Variants in TERF2 observed in about 807,000 individuals in gnomAD.
TERF2 encodes telomeric repeat binding factor 2, also known as telomeric repeat-binding factor 2.
Under a neutral mutation model 56.1 loss-of-function variants are expected in TERF2, and 16 were observed. The ratio of observed to expected loss-of-function variants is 0.29; its 90% CI spans 0.19 to 0.43. The LOEUF is 0.43. TERF2 is among the 20% of genes least tolerant of loss of function. The pLI is 1.00. For synonymous variants in TERF2, 296 were observed against 282.1 expected (o/e 1.05, Z -0.50); for missense variants, 547 against 712.9 (o/e 0.77, Z 2.65).
chr16:69,363,117 A>G (rs1159361119), intron 7 of TERF2, among the ~76,000 whole-genome samples: 1 of 152,244 alleles, frequency 6.6e-6, no homozygotes, highest in Non-Finnish European at 1.5e-5. Context: ...TACTTGAGAC[A>G]AAGTGAAAAC....
intron 7 of TERF2, among the ~76,000 whole-genome samples, chr16:69,361,916 C>T (rs568769729): frequency 5.2e-5 from 5 of 95,876 alleles, no homozygotes; most frequent in Admixed American, 2.0e-4. Flanking sequence ...AAGCTCACGG[C>T]GCCTTTCATC....
At chr16:69,369,764 G>T (rs900824928) in intron 5 of TERF2, among the ~76,000 whole-genome samples, 1 of 151,994 alleles carries the variant, frequency 6.6e-6, no homozygotes, top group East Asian at 1.9e-4. Context: ...TTTTCATTTG[G>T]CTTCTTTCAA....
chr16:69,357,327 A>G (rs1430683649), intron 9 of TERF2, among the ~76,000 whole-genome samples, 191 bp downstream of exon 9: 1 of 152,196 alleles, frequency 6.6e-6, no homozygotes, highest in Non-Finnish European at 1.5e-5. Flanking sequence ...GTTCCGGAAA[A>G]TGTGTCATCT....
chr16:69,383,221 ATTTCC>A (rs2014069497), intron 3 of TERF2, among the ~76,000 whole-genome samples: 2 of 152,148 alleles, frequency 1.3e-5, no homozygotes, highest in Non-Finnish European at 2.9e-5. Flanking sequence ...TCCAATGAGC[ATTTCC>A]TTTGAGTGCC....
intron 4 of TERF2, among the ~76,000 whole-genome samples, chr16:69,371,560 A>C (rs1457101301): frequency 6.6e-6 from 1 of 151,736 alleles, no homozygotes; most frequent in African/African-American, 2.4e-5. Context: ...GATTCACGTA[A>C]TCCCAGCACT....
chr16:69,385,099 G>A (rs563556712), intron 2 of TERF2, among the ~76,000 whole-genome samples: 13 of 152,098 alleles, frequency 8.5e-5, no homozygotes, highest in African/African-American at 3.1e-4. Flanking sequence ...TCTACCATGG[G>A]GGAAAAAAGA....
At chr16:69,357,264 C>A (rs2012939719) in intron 9 of TERF2, among the ~76,000 whole-genome samples, 1 of 152,204 alleles carries the variant, frequency 6.6e-6, no homozygotes, top group South Asian at 2.1e-4. Context: ...ATTTGATCCT[C>A]AAGTAACAAT....
At chr16:69,372,723 C>G (rs1303318610) in intron 3 of TERF2, among the ~76,000 whole-genome samples, 1 of 152,166 alleles carries the variant, frequency 6.6e-6, no homozygotes, top group Non-Finnish European at 1.5e-5. Flanking sequence ...GATCGCGCCA[C>G]TGCACTCCAG....
chr16:69,372,359 A>T lies in TERF2; in HGVS notation c.607-4T>A. The T allele has an allele frequency of 6.3e-7, 1 of 1,588,246 alleles. No individual in the cohort carries two copies. Among genetic ancestry groups the T allele is most frequent in the East Asian group, 2.2e-5 (1 of 44,594 alleles). ...TTTTGATACAAATAATGACAGCCTA[A>T]AAAGGAGGGGAAAAATCTTTTTTTA... is the stretch of plus-strand genomic sequence containing the variant. On this transcript the variant is annotated splice_polypyrimidine_tract_variant and splice_region_variant and intron_variant, in intron 3 of 9. Transcript: ENST00000254942.
In TERF2 at chr16:69,385,976, G is replaced by A; in HGVS notation, c.-5C>T. On this transcript the variant is annotated 5_prime_UTR_variant, in exon 1 of 10. Coordinates refer to ENST00000254942, the MANE Select transcript of TERF2 (RefSeq NM_005652.5). ...CGTCCCGGCTCCCGCGGCCATGATAGAAACAGCGTTCCGAGCCGCCCGCGG... is the reference window on the plus strand; with the variant it reads ...CGTCCCGGCTCCCGCGGCCATGATAAAAACAGCGTTCCGAGCCGCCCGCGG... The A allele has an allele frequency of 7.5e-7, 1 of 1,335,410 alleles. No homozygotes were observed. Among genetic ancestry groups the A allele is most frequent in the Non-Finnish European group, 9.6e-7 (1 of 1,044,838 alleles). The allele number at this position is 1,335,410 out of a possible 1,614,324, so 82.7% of individuals were successfully genotyped here.
At chr16:69,364,470 T>A (rs960688812) in intron 7 of TERF2, among the ~76,000 whole-genome samples, 3 of 152,088 alleles carry the variant, frequency 2.0e-5, no homozygotes, top group Non-Finnish European at 2.9e-5. Context: ...CAGGTCATTG[T>A]GTCATGAAGC....
At chr16:69,383,636 A>ACCTTT (rs756653229) in intron 3 of TERF2, among the ~76,000 whole-genome samples, 1 of 152,218 alleles carries the variant, frequency 6.6e-6, no homozygotes, top group Non-Finnish European at 1.5e-5. Context: ...AAGGTCCTTA[A>ACCTTT]TTAAATAAAT....
Position 69,367,210 on chromosome 16 carries a change from A to C in TERF2, c.948-11T>G. 1 of 1,591,624 alleles carries C rather than the reference A, an allele frequency of 6.3e-7. No individual in the cohort carries two copies. The highest frequency in any genetic ancestry group is 8.6e-7 in the Non-Finnish European group (1 of 1,166,190). On this transcript the variant is annotated splice_polypyrimidine_tract_variant and intron_variant, in intron 6 of 9. Transcript: ENST00000254942. Reference sequence around the variant, plus strand: ...GGATTCCGTAGCTGCCTGCAAATCAAGCATAGGCACAAAGATGTTTTTCAC... The same window carrying C: ...GGATTCCGTAGCTGCCTGCAAATCACGCATAGGCACAAAGATGTTTTTCAC...
intron 3 of TERF2, among the ~76,000 whole-genome samples, chr16:69,381,443 G>A (rs770910469): frequency 9.2e-5 from 14 of 151,644 alleles, no homozygotes; most frequent in African/African-American, 2.9e-4. Context: ...TCATGTTTTG[G>A]TATGCAGCAG....
intron 2 of TERF2, among the ~76,000 whole-genome samples, chr16:69,385,171 G>T (rs1397560822): frequency 6.6e-6 from 1 of 151,916 alleles, no homozygotes; most frequent in East Asian, 1.9e-4. Context: ...ATTAACAGGT[G>T]GGAGAAGATT....
chr16:69,368,084 G>C (rs1422176158), intron 6 of TERF2, among the ~76,000 whole-genome samples: 1 of 152,196 alleles, frequency 6.6e-6, no homozygotes, highest in Non-Finnish European at 1.5e-5. Context: ...AATGTATTAA[G>C]AGATTAGGTG....
intron 8 of TERF2, among the ~76,000 whole-genome samples, chr16:69,358,221 A>G (rs929640822): frequency 2.6e-5 from 4 of 152,028 alleles, no homozygotes; most frequent in Non-Finnish European, 5.9e-5. Context: ...CACTGTGTTA[A>G]CCAGGATGGT....
Position 69,385,919 on chromosome 16 carries a change from C to G in TERF2, c.53G>C (p.Arg18Pro), listed in dbSNP as rs761598294. Residue 18 changes from arginine to proline, a missense_variant, in exon 1 of 10, where the codon CGT becomes CCT. Physicochemically the swap from Arg to Pro is moderately radical, Grantham distance 103 (BLOSUM62 -2). This residue lies in a region of TERF2 where 85 missense variants were observed against 59.5 expected (regional missense o/e 1.43). Transcript: ENST00000254942. ...CCTCGGCTGTGACGCCGCTGGGTCA[C>G]GCACGACGCCCGGGCCGGAAGCGGG... is the stretch of plus-strand genomic sequence containing the variant. Reference protein sequence around the residue: ...AGPASGPGVVRDPAASQPRKR... With the variant: ...AGPASGPGVVPDPAASQPRKR... 1.4e-6 allele frequency: 2 copies of G among 1,386,324 alleles called. No homozygotes were observed. Among genetic ancestry groups the G allele is most frequent in the South Asian group, 3.0e-5 (2 of 65,690 alleles). 85.9% of individuals were successfully genotyped at this position (1,386,324 alleles called of 1,614,324 possible).
At chr16:69,378,000 A>C (rs1567454121) in intron 3 of TERF2, among the ~76,000 whole-genome samples, 1 of 152,164 alleles carries the variant, frequency 6.6e-6, no homozygotes, top group Non-Finnish European at 1.5e-5. Context: ...AGTGGTGAGC[A>C]TTCCAATTTT....
Sources: allele counts gnomAD v4.1 joint callset (sites outside exome capture counted in the v4.1 genomes callset), GRCh38; gene constraint gnomAD v4.1.1; regional missense constraint gnomAD v4.1.1; transcripts MANE v1.5; gene names NCBI Gene and HGNC (gene_info 2026-07-23, HGNC 2026-07-21).